ASTN2: variants seen among roughly 807,000 people sequenced by gnomAD.
The protein encoded by ASTN2 is astrotactin-2.
ASTN2 carries 54 observed loss-of-function variants against 139.8 expected under a neutral mutation model. The observed-to-expected ratio is 0.39, with a 90% CI of 0.31 to 0.48. The LOEUF is 0.48. Ranked by LOEUF, ASTN2 falls within the 20% of genes least tolerant of loss-of-function variation. The probability of loss-of-function intolerance (pLI) is 0.95; values close to 1 mark genes in which losing one functional copy is unlikely to be tolerated. For synonymous variants in ASTN2, 756 were observed against 719.5 expected, an observed-to-expected ratio of 1.05 and a Z score of -0.81; for missense variants, 1,565 against 1,725.1, an observed-to-expected ratio of 0.91 and a Z score of 1.64.
chr9:116,912,643 C>T (rs867149001), intron 10 of ASTN2, among the ~76,000 whole-genome samples: 9 of 152,134 alleles, frequency 5.9e-5, no homozygotes, highest in Non-Finnish European at 1.0e-4. Flanking sequence ...ATCTGGGACT[C>T]GGCTGCCCTT....
At chr9:116,609,337 TATAC>T (rs1358254012) in intron 19 of ASTN2, among the ~76,000 whole-genome samples, 2 of 143,902 alleles carry the variant, frequency 1.4e-5, no homozygotes, top group African/African-American at 5.2e-5. Flanking sequence ...TCTATATATA[TATAC>T]ACACACACAC....
chr9:117,089,189 C>G (rs1351774725), intron 5 of ASTN2, among the ~76,000 whole-genome samples: 1 of 152,188 alleles, frequency 6.6e-6, no homozygotes, highest in African/African-American at 2.4e-5. Flanking sequence ...TGTAAATATC[C>G]TTGTATGACA....
chr9:117,213,367 G>A (rs750761727), intron 3 of ASTN2, among the ~76,000 whole-genome samples: 2 of 152,094 alleles, frequency 1.3e-5, no homozygotes, highest in East Asian at 3.9e-4. Context: ...CTAGATAGGT[G>A]TAATAATTTC....
intron 2 of ASTN2, among the ~76,000 whole-genome samples, chr9:117,257,400 T>A (rs1024586815): frequency 1.3e-5 from 2 of 152,144 alleles, no homozygotes; most frequent in African/African-American, 4.8e-5. Flanking sequence ...TGAACACAGA[T>A]TTTAGGTCAA....
chr9:116,525,033 T>C (rs1324086374), intron 19 of ASTN2, among the ~76,000 whole-genome samples: 1 of 152,144 alleles, frequency 6.6e-6, no homozygotes, highest in Non-Finnish European at 1.5e-5. Context: ...GTGGAAAAGT[T>C]TGAAACTTCC....
chr9:116,876,070 A>T (rs1229307626), intron 10 of ASTN2, among the ~76,000 whole-genome samples: 1 of 152,220 alleles, frequency 6.6e-6, no homozygotes, highest in Non-Finnish European at 1.5e-5. Flanking sequence ...GGTAAAATAA[A>T]TTAAAAACTT....
At chr9:117,310,618 TTTG>T (rs1177902852) in intron 1 of ASTN2, among the ~76,000 whole-genome samples, 1 of 151,952 alleles carries the variant, frequency 6.6e-6, no homozygotes, top group Non-Finnish European at 1.5e-5. Context: ...TGGGCACGGT[TTTG>T]TTGTTGTTAT....
chr9:117,412,021 C>T (rs1831179065), intron 1 of ASTN2, among the ~76,000 whole-genome samples: 1 of 150,316 alleles, frequency 6.7e-6, no homozygotes, highest in East Asian at 2.0e-4. Context: ...CCCCCCAACC[C>T]CCAGCGGGCA....
At chr9:116,427,206 C>T (rs868301777) in intron 22 of ASTN2, among the ~76,000 whole-genome samples, 1 of 152,100 alleles carries the variant, frequency 6.6e-6, no homozygotes, top group African/African-American at 2.4e-5. Flanking sequence ...TCCCAGGGCC[C>T]CACCTACCGC....
chr9:117,074,527 T>C (rs1828225522), intron 5 of ASTN2, among the ~76,000 whole-genome samples: 3 of 151,996 alleles, frequency 2.0e-5, no homozygotes, highest in Admixed American at 2.0e-4. Flanking sequence ...GGTGTGTTTG[T>C]GGAAGTGTGA....
intron 4 of ASTN2, among the ~76,000 whole-genome samples, chr9:117,128,397 A>G (rs1050979664): frequency 7.1e-6 from 1 of 141,344 alleles, no homozygotes; most frequent in Admixed American, 7.2e-5. Flanking sequence ...AAAAAAAAAA[A>G]AAAGAAATCA....
At chr9:116,455,218 G>A (rs758671463) in intron 20 of ASTN2, among the ~76,000 whole-genome samples, 24 of 151,700 alleles carry the variant, frequency 1.6e-4, no homozygotes, top group South Asian at 4.2e-4. Context: ...GTGTGGTGAC[G>A]CACGTCTGTA....
intron 19 of ASTN2, among the ~76,000 whole-genome samples, chr9:116,588,612 C>CAATAA (rs1854254365): frequency 6.6e-6 from 1 of 151,686 alleles, no homozygotes. Flanking sequence ...GTGTCTTCAT[C>CAATAA]AATAAAATGG....
chr9:116,985,935 T>C (rs1010533773), intron 7 of ASTN2, among the ~76,000 whole-genome samples: 10 of 152,168 alleles, frequency 6.6e-5, no homozygotes, highest in Middle Eastern at 3.2e-3. Flanking sequence ...ACCAAGGCCA[T>C]TGGAGGCTGA....
intron 1 of ASTN2, among the ~76,000 whole-genome samples, chr9:117,408,435 C>T (rs1831068459): frequency 6.6e-6 from 1 of 152,232 alleles, no homozygotes; most frequent in East Asian, 1.9e-4. Flanking sequence ...GTTGTGGTGA[C>T]AGTTTTCCAG....
chr9:116,975,325 T>C lies in ASTN2; in HGVS notation c.1772A>G (p.Gln591Arg). Reference protein sequence around the residue: ...KILRSTFSLGQGLWLPVSKSF... With the variant: ...KILRSTFSLGRGLWLPVSKSF... ...TTTGCTGACAGGAAGCCAGAGGCCT[T>C]GGCCCAAGCTGAAAGTAGACCTGCA... The change falls in exon 10 of 23, where the codon CAA becomes CGA. Residue 591 changes from glutamine to arginine, a missense_variant. Physicochemically the swap from Gln to Arg is conservative, Grantham distance 43. Transcript: ENST00000313400. The C allele has an allele frequency of 1.2e-6, 2 of 1,611,616 alleles. No homozygotes were observed. The highest frequency in any genetic ancestry group is 1.7e-6 in the Non-Finnish European group (2 of 1,178,904).
chr9:116,464,957 A>G (rs562681013), intron 20 of ASTN2, among the ~76,000 whole-genome samples: 2 of 152,324 alleles, frequency 1.3e-5, no homozygotes, highest in South Asian at 4.1e-4. Flanking sequence ...TGCAGACTAT[A>G]TGAAGAGGCT....
At chr9:116,933,809 G>A (rs10983413) in intron 10 of ASTN2, among the ~76,000 whole-genome samples, 25,509 of 151,570 alleles carry the variant, frequency 0.17, 2,319 homozygotes, top group East Asian at 0.22. Context: ...ACAGGATGAT[G>A]TGGATGGCCT....
In ASTN2 at chr9:116,573,280, A is replaced by G. The variant is rs374278007; in HGVS notation, c.3355+45044T>C. ...ACAGCTCCAGGTGAACCAAAAGACC[A>G]CTTGGCCCAATTGGTCGAAAGTGTG... On this transcript the variant is annotated intron_variant, in intron 19 of 22. Transcript: ENST00000313400. 4.6e-5 allele frequency among the ~76,000 whole-genome samples: 7 copies of G among 152,346 alleles called. No individual in the cohort carries two copies. The South Asian group carries it at 1.0e-3, about 23-fold the overall frequency.
Sources: allele counts gnomAD v4.1 joint callset (sites outside exome capture counted in the v4.1 genomes callset), GRCh38; gene constraint gnomAD v4.1.1; transcripts MANE v1.5; gene names NCBI Gene and HGNC (gene_info 2026-07-23, HGNC 2026-07-21).